The following DNAH2 variants were observed in gnomAD, a reference collection of about 807,000 sequenced individuals.
DNAH2 encodes dynein axonemal heavy chain 2, also known as axonemal beta dynein heavy chain 2.
Under a neutral mutation model 523.5 loss-of-function variants are expected in DNAH2, and 323 were observed. The ratio of observed to expected loss-of-function variants is 0.62; its 90% CI spans 0.56 to 0.68. The LOEUF (loss-of-function observed/expected upper bound fraction) is 0.68. Among genes scored for constraint, DNAH2 ranks in the 30% least tolerant of loss-of-function variants. The pLI is 0.00. For missense variants in DNAH2, 4,907 were observed against 5,701.5 expected, an observed-to-expected ratio of 0.86 and a Z score of 4.49; for synonymous variants, 2,093 against 2,177.4, an observed-to-expected ratio of 0.96 and a Z score of 1.08.
intron 39 of DNAH2, among the ~76,000 whole-genome samples, chr17:7,781,902 A>G (rs530622640): frequency 6.6e-6 from 1 of 152,338 alleles, no homozygotes; most frequent in Non-Finnish European, 1.5e-5. Flanking sequence ...TAGAAAGCAT[A>G]AGAACTTTCT....
At position 7,816,644 on chromosome 17, in the gene DNAH2, A is replaced by G. The variant is rs1454380974; in HGVS notation, c.9803A>G (p.Lys3268Arg). 6.2e-7 allele frequency: 1 copy of G among 1,614,132 alleles called. No homozygotes were observed. The highest frequency in any genetic ancestry group is 1.7e-5 in the Admixed American group (1 of 60,008). Residue 3268 changes from lysine (K) to arginine (R), a missense_variant, in exon 64 of 86, where the codon AAG becomes AGG. This residue lies in a region of DNAH2 where 1,851 missense variants were observed against 2,139.4 expected (regional missense o/e 0.87). Transcript: ENST00000572933. ...GCACAGAAGGAGGAGCTTCGCAAGAAGTCTGAAGAGATGGAGCTGAAGCTG... is the reference window on the plus strand; with the variant it reads ...GCACAGAAGGAGGAGCTTCGCAAGAGGTCTGAAGAGATGGAGCTGAAGCTG... ...KLAQKEELRK[K>R]SEEMELKLER...
At chr17:7,753,155 G>A (rs1035553897) in intron 12 of DNAH2, among the ~76,000 whole-genome samples, 2 of 152,212 alleles carry the variant, frequency 1.3e-5, no homozygotes, top group African/African-American at 4.8e-5. Context: ...GTTGGATGTC[G>A]GAAAGTAAGG....
chr17:7,755,914 C>T (rs2075822301), intron 12 of DNAH2, among the ~76,000 whole-genome samples: 1 of 151,810 alleles, frequency 6.6e-6, no homozygotes. Flanking sequence ...ATTCTCCTGC[C>T]TCAGCCTCCT....
In DNAH2 at chr17:7,758,968, A is replaced by G; in HGVS notation, c.2292A>G (p.Val764=). The change falls in exon 15 of 86, where the codon GTA becomes GTG. Residue 764 remains valine (V), a synonymous_variant. Transcript: ENST00000572933. ...AAGAGATGTCAGAGAAGCTGCTGGT[A>G]CGCATTAGTGGCAAACGGGTATACA... ...RAQEMSEKLL[V]RISGKRVYRD... is the part of the protein sequence containing the mutation. The G allele has an allele frequency of 6.2e-7, 1 of 1,614,228 alleles. No individual in the cohort carries two copies. Among genetic ancestry groups the G allele is most frequent in the Non-Finnish European group, 8.5e-7 (1 of 1,180,036 alleles).
Position 7,788,231 on chromosome 17 carries a change from C to T in DNAH2, c.6887C>T (p.Thr2296Met), listed in dbSNP as rs562267407. 202 of 1,591,016 alleles carry T rather than the reference C, an allele frequency of 1.3e-4. 2 individuals are homozygous for T. The South Asian group carries it at 1.9e-3, about 15-fold the overall frequency. ...TGCAAGCTGTACTCTGCCCTGGCCA[C>T]GCCAGAGAATGGGGTAAGGGGAGGA... is the stretch of plus-strand genomic sequence containing the variant. Reference protein sequence around the residue: ...SLCKLYSALATPENGVNPADG... With the variant: ...SLCKLYSALAMPENGVNPADG... The change falls in exon 44 of 86, where the codon ACG becomes ATG. Residue 2296 changes from threonine to methionine, a missense_variant. Physicochemically the swap from Thr to Met is moderately conservative, Grantham distance 81. This residue lies in a region of DNAH2 where 2,806 missense variants were observed against 3,190.8 expected (regional missense o/e 0.88). Transcript: ENST00000572933.
intron 48 of DNAH2, among the ~76,000 whole-genome samples, chr17:7,793,559 CTT>C (rs2151277618): frequency 1.4e-5 from 2 of 141,412 alleles, no homozygotes; most frequent in East Asian, 4.1e-4. Context: ...CTTTCTTTCT[CTT>C]TCTTTCTTTC....
intron 12 of DNAH2, among the ~76,000 whole-genome samples, chr17:7,748,261 G>A (rs1294845913): frequency 3.3e-5 from 5 of 152,212 alleles, no homozygotes; most frequent in African/African-American, 1.2e-4. Context: ...CACCCTGTGT[G>A]GAGCAGAGTA....
rs1170213120 is a variant in DNAH2, at chr17:7,832,637, A to T, written c.12785A>T (p.Glu4262Val). 1.2e-5 allele frequency: 19 copies of T among 1,614,114 alleles called. No homozygotes were observed. Among genetic ancestry groups the T allele is most frequent in the Non-Finnish European group, 1.4e-5 (17 of 1,180,036 alleles). Residue 4262 changes from glutamate (E) to valine (V), a missense_variant, in exon 83 of 86, where the codon GAG (glutamate) becomes GTG (valine). Transcript: ENST00000572933. The surrounding 1 kb of genome is among the most constrained non-coding windows in gnomAD (Gnocchi z 4.3). Reference protein sequence around the residue: ...AWTRDLAMRVEQFELWASRAR... With the variant: ...AWTRDLAMRVVQFELWASRAR... Reference sequence around the variant, plus strand: ...ACCCGGGACTTGGCCATGCGTGTGGAGCAGTTTGAGCTGTGGGCCAGCCGG... The same window carrying T: ...ACCCGGGACTTGGCCATGCGTGTGGTGCAGTTTGAGCTGTGGGCCAGCCGG...
At chr17:7,739,015 G>A in intron 8 of DNAH2, 1 of 702,638 alleles carries the variant, frequency 1.4e-6, no homozygotes, top group East Asian at 2.7e-5. Flanking sequence ...CCTTATTGAG[G>A]TGGGAAGACT....
chr17:7,751,114 AAGTTATTTATTT>A (rs1298043903), intron 12 of DNAH2, among the ~76,000 whole-genome samples: 4 of 149,670 alleles, frequency 2.7e-5, no homozygotes, highest in Non-Finnish European at 4.4e-5. Context: ...AAAAAAAATC[AAGTTATTTATTT>A]ATTTATTTAT....
At chr17:7,812,715 G>C (rs965550457) in intron 63 of DNAH2, among the ~76,000 whole-genome samples, 1 of 134,716 alleles carries the variant, frequency 7.4e-6, no homozygotes, top group Non-Finnish European at 1.5e-5. Flanking sequence ...AAGGTCAGGA[G>C]TTTGAGACCA....
At position 7,828,478 on chromosome 17, in the gene DNAH2, G is replaced by C. The variant is rs1262540177; in HGVS notation, c.11854-1822G>C. Among the ~76,000 whole-genome samples the C allele has an allele frequency of 6.6e-6, 1 of 152,064 alleles. No homozygotes were observed. The highest frequency in any genetic ancestry group is 1.5e-5 in the Non-Finnish European group (1 of 68,034). ...TTTCCTCTTTTTTTAGACAGAGAGG[G>C]TCTTGCTCTATAGCCCAGGTGGAGT... is the stretch of plus-strand genomic sequence containing the variant. On this transcript the variant is annotated intron_variant, in intron 77 of 85. Coordinates refer to ENST00000572933, the MANE Select transcript of DNAH2 (RefSeq NM_020877.5). This position sits in a 1 kb window ranked among gnomAD's most constrained non-coding sequence, Gnocchi z 4.1.
At chr17:7,755,639 A>G (rs1448595000) in intron 12 of DNAH2, among the ~76,000 whole-genome samples, 1 of 152,098 alleles carries the variant, frequency 6.6e-6, no homozygotes, top group Non-Finnish European at 1.5e-5. Flanking sequence ...CCCCGGGAGC[A>G]GGAGGTCTGA....
rs2078240442 is a variant in DNAH2, at chr17:7,833,237, A to G, written c.13129+16A>G. The G allele has an allele frequency of 6.2e-7, 1 of 1,606,814 alleles. No individual in the cohort carries two copies. On this transcript the variant is annotated intron_variant, in intron 85 of 85. Coordinates refer to ENST00000572933, the MANE Select transcript of DNAH2 (RefSeq NM_020877.5). ...AGCGCCAAGGGTGGGACAGCTCCCCAGGCAGGACCTGCCTGCCCCGTCCCT... is the reference window on the plus strand; with the variant it reads ...AGCGCCAAGGGTGGGACAGCTCCCCGGGCAGGACCTGCCTGCCCCGTCCCT...
chr17:7,801,832 C>T (rs1427071866), intron 57 of DNAH2, 46 bp from the exon 58 acceptor site: 1 of 1,613,274 alleles, frequency 6.2e-7, no homozygotes, highest in East Asian at 2.2e-5. Flanking sequence ...GCCTCTCTCC[C>T]ACTTCCGTTT....
intron 15 of DNAH2, 27 bp from the exon 16 acceptor site, chr17:7,759,395 C>A (rs1305026798): frequency 1.3e-6 from 2 of 1,583,654 alleles, no homozygotes; most frequent in African/African-American, 1.4e-5. Context: ...CTGAAAAGTT[C>A]TCTTTTTCCT....
intron 3 of DNAH2, 32 bp from the exon 4 acceptor site, chr17:7,727,090 A>G (rs981482963): frequency 3.3e-6 from 5 of 1,503,226 alleles, no homozygotes; most frequent in East Asian, 2.5e-5. Context: ...TGGCAGTTGT[A>G]GTTACTTTGG....
At chr17:7,772,134 G>C (rs2076335503) in intron 28 of DNAH2, among the ~76,000 whole-genome samples, 1 of 152,138 alleles carries the variant, frequency 6.6e-6, no homozygotes, top group Non-Finnish European at 1.5e-5. Flanking sequence ...GGTCGACTGG[G>C]GGAGACTGGG....
chr17:7,812,462 A>T (rs2077542507), intron 63 of DNAH2, among the ~76,000 whole-genome samples: 1 of 151,812 alleles, frequency 6.6e-6, no homozygotes, highest in African/African-American at 2.4e-5. Context: ...CACAAAATAT[A>T]AAAAAATCAG....
Sources: allele counts gnomAD v4.1 joint callset (sites outside exome capture counted in the v4.1 genomes callset), GRCh38; gene constraint gnomAD v4.1.1; regional missense constraint gnomAD v4.1.1; non-coding constraint Gnocchi (gnomAD v3.1); transcripts MANE v1.5; gene names NCBI Gene and HGNC (gene_info 2026-07-23, HGNC 2026-07-21).